SLC39A11: variants seen among roughly 807,000 people sequenced by gnomAD.
SLC39A11 encodes solute carrier family 39 member 11.
SLC39A11 carries 33 observed loss-of-function variants against 36.1 expected under a neutral mutation model. That is an observed-to-expected ratio of 0.91 (90% CI 0.69 to 1.22). SLC39A11 has a LOEUF of 1.22. SLC39A11 is among the 50% of genes most tolerant of loss of function. The pLI, the probability that SLC39A11 is intolerant of heterozygous loss-of-function variation, is 0.00. For missense variants in SLC39A11, 432 were observed against 430.3 expected, an observed-to-expected ratio of 1.00 and a Z score of -0.03; for synonymous variants, 166 against 170.3, an observed-to-expected ratio of 0.97 and a Z score of 0.20.
At chr17:72,956,858 C>T (rs2086272065) in intron 4 of SLC39A11, among the ~76,000 whole-genome samples, 1 of 152,110 alleles carries the variant, frequency 6.6e-6, no homozygotes, top group Non-Finnish European at 1.5e-5. Flanking sequence ...TGCTAGGTAG[C>T]AAAACACCCC....
intron 4 of SLC39A11, among the ~76,000 whole-genome samples, chr17:72,986,154 G>T (rs1044024792): frequency 2.6e-5 from 4 of 152,136 alleles, no homozygotes; most frequent in African/African-American, 9.7e-5. Context: ...TGTTGTTTAA[G>T]CTATTCAAAT....
intron 7 of SLC39A11, among the ~76,000 whole-genome samples, chr17:72,678,573 C>T (rs1340672475): frequency 6.6e-6 from 1 of 152,002 alleles, no homozygotes; most frequent in Non-Finnish European, 1.5e-5. Context: ...GGCATGGTGG[C>T]GTGCGCCTGT....
At chr17:72,889,252 C>T (rs190314162) in intron 5 of SLC39A11, among the ~76,000 whole-genome samples, 14 of 152,222 alleles carry the variant, frequency 9.2e-5, no homozygotes, top group Admixed American at 6.5e-4. Flanking sequence ...CAGTGGCTCA[C>T]GCCTGTAATC....
intron 7 of SLC39A11, among the ~76,000 whole-genome samples, chr17:72,733,141 C>G (rs902819470): frequency 8.5e-5 from 13 of 152,350 alleles, no homozygotes; most frequent in South Asian, 4.1e-4. Flanking sequence ...AGGTCCAACC[C>G]TCAATCCTTT....
intron 2 of SLC39A11, 144 bp from the exon 3 acceptor site, chr17:73,084,990 A>G (rs1025717768): frequency 1.6e-5 from 13 of 790,550 alleles, no homozygotes; most frequent in Non-Finnish European, 2.3e-5. Context: ...AGTTTATACC[A>G]TGGGCCAAGA....
chr17:72,780,520 T>TTGG (rs2076274170), intron 6 of SLC39A11, among the ~76,000 whole-genome samples: 1 of 55,554 alleles, frequency 1.8e-5, no homozygotes, highest in African/African-American at 7.0e-5. Flanking sequence ...GCCCTGAAGA[T>TTGG]GGGGGGCGGG....
chr17:72,981,807 T>G (rs2088337719), intron 4 of SLC39A11, among the ~76,000 whole-genome samples: 1 of 151,580 alleles, frequency 6.6e-6, no homozygotes, highest in Non-Finnish European at 1.5e-5. Context: ...GATAATTTTC[T>G]GAATACACAA....
intron 4 of SLC39A11, among the ~76,000 whole-genome samples, chr17:72,990,362 C>G (rs985601543): frequency 6.6e-6 from 1 of 152,146 alleles, no homozygotes; most frequent in Non-Finnish European, 1.5e-5. Flanking sequence ...AGGAAGGGTT[C>G]AAGTATAATA....
chr17:72,988,413 A>T (rs563743392), intron 4 of SLC39A11, among the ~76,000 whole-genome samples: 16 of 152,326 alleles, frequency 1.1e-4, no homozygotes, highest in African/African-American at 3.4e-4. Flanking sequence ...GTCAGACAAG[A>T]TCACACCACT....
chr17:72,649,056 A>T, intron 8 of SLC39A11, 95 bp from the exon 9 acceptor site: 4 of 1,543,154 alleles, frequency 2.6e-6, no homozygotes, highest in Non-Finnish European at 3.5e-6. Flanking sequence ...ACATGGATGC[A>T]TGCCATTCTA....
At chr17:72,776,151 G>A (rs1355402377) in intron 6 of SLC39A11, among the ~76,000 whole-genome samples, 3 of 152,146 alleles carry the variant, frequency 2.0e-5, no homozygotes, top group Non-Finnish European at 2.9e-5. Context: ...GATTGGAGGC[G>A]CCACCCCAGA....
intron 7 of SLC39A11, among the ~76,000 whole-genome samples, chr17:72,718,311 C>T (rs989612120): frequency 1.5e-4 from 23 of 152,088 alleles, no homozygotes; most frequent in Non-Finnish European, 2.9e-4. Context: ...TAGTGGCAGG[C>T]GCCTGTAATC....
At chr17:73,079,287 G>C (rs867903441) in intron 3 of SLC39A11, among the ~76,000 whole-genome samples, 7 of 152,154 alleles carry the variant, frequency 4.6e-5, no homozygotes, top group Middle Eastern at 6.8e-3. Flanking sequence ...AGCAGAGACG[G>C]GGTTTCACCA....
At chr17:72,877,256 CA>C (rs2080950474) in intron 5 of SLC39A11, among the ~76,000 whole-genome samples, 1 of 152,196 alleles carries the variant, frequency 6.6e-6, no homozygotes, top group African/African-American at 2.4e-5. Context: ...GCTTTGTGAT[CA>C]AATGTTCCTG....
At chr17:72,893,869 A>G (rs112467567) in intron 5 of SLC39A11, among the ~76,000 whole-genome samples, 8 of 152,080 alleles carry the variant, frequency 5.3e-5, no homozygotes, top group African/African-American at 1.9e-4. Flanking sequence ...GGCACTTACC[A>G]CCCCAATAAA....
chr17:73,088,665 T>C lies in SLC39A11; in HGVS notation c.100A>G (p.Ser34Gly), dbSNP rs770105742. The C allele has an allele frequency of 1.5e-5, 24 of 1,611,784 alleles. No individual in the cohort carries two copies. The highest frequency in any genetic ancestry group is 2.2e-5 in the South Asian group (2 of 90,486). ...AAAGCAAGGCAACTCACCTGTCCACTAGAGAATACGAACACGAGAGCTGCC... is the reference window on the plus strand; with the variant it reads ...AAAGCAAGGCAACTCACCTGTCCACCAGAGAATACGAACACGAGAGCTGCC... Reference protein sequence around the residue: ...AGAALVFVFSSGQRRILDGSL... With the variant: ...AGAALVFVFSGGQRRILDGSL... Residue 34 changes from serine (S) to glycine (G), a missense_variant, in exon 2 of 10, where the codon AGT (serine) becomes GGT (glycine). Physicochemically the swap from Ser to Gly is moderately conservative, Grantham distance 56. Transcript: ENST00000255559.
At chr17:72,711,017 C>A (rs74339597) in intron 7 of SLC39A11, among the ~76,000 whole-genome samples, 2 of 152,172 alleles carry the variant, frequency 1.3e-5, no homozygotes, top group Admixed American at 6.5e-5. Context: ...TTTGCTCTTG[C>A]GACAGAATTG....
chr17:72,649,015 C>G, intron 8 of SLC39A11, 54 bp from the exon 9 acceptor site: 1 of 1,581,652 alleles, frequency 6.3e-7, no homozygotes, highest in Non-Finnish European at 8.6e-7. Context: ...GCAGACACTC[C>G]ACGTGCCCAG....
At chr17:72,875,681 C>CTAA (rs2146454150) in intron 5 of SLC39A11, among the ~76,000 whole-genome samples, 2 of 152,292 alleles carry the variant, frequency 1.3e-5, no homozygotes, top group South Asian at 4.1e-4. Flanking sequence ...TAACGATGAT[C>CTAA]TAATTCGGAG....
Sources: gnomAD v4.1 joint callset for allele counts (sites outside exome capture counted in the v4.1 genomes callset) on GRCh38, gnomAD v4.1.1 for gene constraint, MANE v1.5 for transcripts, NCBI Gene and HGNC (gene_info 2026-07-23, HGNC 2026-07-21) for gene names.